Variants in MIB1 observed in about 807,000 individuals in gnomAD.
The protein encoded by MIB1 is MIB E3 ubiquitin protein ligase 1.
In MIB1, 278 loss-of-function variants were observed where a neutral mutation model predicts 124.5. The ratio of observed to expected loss-of-function variants is 2.23; its 90% CI spans 2.02 to 2.47. The LOEUF (loss-of-function observed/expected upper bound fraction) is 2.47. Ranked by LOEUF, MIB1 falls within the 30% of genes most tolerant of loss-of-function variation. The pLI, the probability that MIB1 is intolerant of heterozygous loss-of-function variation, is 0.00. For missense variants in MIB1, 957 were observed against 1,254.4 expected (o/e 0.76, Z 3.58); for synonymous variants, 446 against 429.4 (o/e 1.04, Z -0.48).
Position 21,803,936 on chromosome 18 carries a change from T to TA in MIB1, c.1402dup (p.Met468AsnfsTer5), listed in dbSNP as rs2041677291. ...ATGGGCAATGTGCTGGCCACACAGC[T>TA]ATGCAAGCTGCTAGTCAGAATGGAC... On this transcript the variant is annotated frameshift_variant, in exon 10 of 21. Transcript: ENST00000261537. LOFTEE classifies it high-confidence loss of function. The TA allele has an allele frequency of 1.2e-6, 2 of 1,613,628 alleles. No homozygotes were observed. The highest frequency in any genetic ancestry group is 8.5e-7 in the Non-Finnish European group (1 of 1,179,782).
At chr18:21,727,475 G>C (rs2040747641) in intron 1 of MIB1, among the ~76,000 whole-genome samples, 1 of 152,180 alleles carries the variant, frequency 6.6e-6, no homozygotes, top group Admixed American at 6.5e-5. Flanking sequence ...GGGTGTGGTG[G>C]CTTGCACCTG....
At chr18:21,834,011 C>T (rs2042005526) in intron 12 of MIB1, among the ~76,000 whole-genome samples, 1 of 152,196 alleles carries the variant, frequency 6.6e-6, no homozygotes, top group Non-Finnish European at 1.5e-5. Flanking sequence ...TTACTGAATT[C>T]TCGAGCTGGT....
chr18:21,864,777 T>TTA lies in MIB1; in HGVS notation c.*112_*113dup. The TTA allele has an allele frequency of 1.3e-6, 1 of 757,864 alleles. No homozygotes were observed. The allele number at this position is 757,864 out of a possible 1,614,324, so 46.9% of individuals were successfully genotyped here. The stretch of plus-strand genomic sequence containing the variant: ...GTTAATTTCTAATATCATAGTTTCT[T>TTA]TACTAGAGTATAATTGGGCTGTAAA... On this transcript the variant is annotated 3_prime_UTR_variant, in exon 21 of 21. Transcript: ENST00000261537.
intron 4 of MIB1, among the ~76,000 whole-genome samples, chr18:21,774,358 G>C (rs1416456444): frequency 6.6e-6 from 1 of 152,208 alleles, no homozygotes; most frequent in African/African-American, 2.4e-5. Flanking sequence ...GGAGGCCCAG[G>C]TGGGTGGATC....
At chr18:21,749,480 A>G (rs1259821190) in intron 1 of MIB1, among the ~76,000 whole-genome samples, 2 of 152,156 alleles carry the variant, frequency 1.3e-5, no homozygotes, top group Non-Finnish European at 2.9e-5. Context: ...ACTAATTTTT[A>G]GCTTTTAAAT....
chr18:21,819,781 AT>A, intron 12 of MIB1, 135 bp downstream of exon 12: 1 of 471,364 alleles, frequency 2.1e-6, no homozygotes, highest in Non-Finnish European at 3.5e-6. Context: ...TGTGAATATT[AT>A]GCCTTTAGTT....
chr18:21,735,120 C>A (rs1331539670), intron 1 of MIB1, among the ~76,000 whole-genome samples: 6 of 152,174 alleles, frequency 3.9e-5, no homozygotes, highest in Non-Finnish European at 8.8e-5. Context: ...GGAACAGCTC[C>A]CGTCTGCAGC....
intron 2 of MIB1, among the ~76,000 whole-genome samples, chr18:21,766,172 T>C (rs770406533): frequency 2.6e-5 from 4 of 152,192 alleles, no homozygotes; most frequent in Non-Finnish European, 4.4e-5. Flanking sequence ...CTATTCTTTC[T>C]CTGGCTTAGA....
intron 12 of MIB1, chr18:21,828,030 A>T (rs940729105): frequency 6.6e-6 from 1 of 151,988 alleles, no homozygotes; most frequent in Non-Finnish European, 1.5e-5. Flanking sequence ...TAAGAGCATT[A>T]TTTGGAATTT....
intron 1 of MIB1, among the ~76,000 whole-genome samples, chr18:21,757,960 G>A (rs930342024): frequency 5.9e-5 from 9 of 152,132 alleles, no homozygotes; most frequent in African/African-American, 2.2e-4. Context: ...AAAAACCGTG[G>A]TAGAGTGAAT....
chr18:21,751,617 C>T (rs971728116), intron 1 of MIB1, among the ~76,000 whole-genome samples: 28 of 152,280 alleles, frequency 1.8e-4, no homozygotes, highest in Non-Finnish European at 7.4e-5. Context: ...TTTCTTATTA[C>T]TGCTGCTTAT....
At chr18:21,724,728 ATATATATATATATATATATAT>A (rs2040732552) in intron 1 of MIB1, among the ~76,000 whole-genome samples, 1 of 18,842 alleles carries the variant, frequency 5.3e-5, no homozygotes, top group African/African-American at 2.1e-4. Context: ...AAAAAAAAAA[ATATATATATATATATATATAT>A]ATATATATAT....
chr18:21,802,414 G>C (rs1352227890), intron 9 of MIB1, among the ~76,000 whole-genome samples: 1 of 151,198 alleles, frequency 6.6e-6, no homozygotes, highest in Non-Finnish European at 1.5e-5. Flanking sequence ...TTTTCTGAGA[G>C]GTTCCTTAAC....
intron 12 of MIB1, among the ~76,000 whole-genome samples, chr18:21,822,444 A>G (rs2146482099): frequency 6.6e-6 from 1 of 152,284 alleles, no homozygotes; most frequent in South Asian, 2.1e-4. Context: ...CCAACCAGAT[A>G]TTTGGTGTCA....
At chr18:21,808,774 C>T (rs890728942) in intron 10 of MIB1, among the ~76,000 whole-genome samples, 13 of 151,872 alleles carry the variant, frequency 8.6e-5, no homozygotes, top group African/African-American at 9.7e-5. Flanking sequence ...TTGGATCTGC[C>T]GTGGACTCTA....
Position 21,866,228 on chromosome 18 carries a change from C to G in MIB1, c.*1562C>G, listed in dbSNP as rs1377881214. ...GTTTCTGGCTGTTTAATCCTTGCTG[C>G]CTTTGCAAGTCCTGGTGAAAGCAAT... On this transcript the variant is annotated 3_prime_UTR_variant, in exon 21 of 21. Transcript: ENST00000261537. The G allele has an allele frequency of 6.6e-6, 1 of 152,116 alleles. No homozygotes were observed. The highest frequency in any genetic ancestry group is 1.5e-5 in the Non-Finnish European group (1 of 68,024). 9.4% of individuals were successfully genotyped at this position (152,116 alleles called of 1,614,324 possible). A position where few individuals can be genotyped will look rare whatever the true frequency, so the allele number is the denominator to read the frequency against.
chr18:21,756,978 G>A (rs2041039514), intron 1 of MIB1, among the ~76,000 whole-genome samples: 1 of 152,048 alleles, frequency 6.6e-6, no homozygotes, highest in Non-Finnish European at 1.5e-5. Context: ...TAACAGAAAA[G>A]GTATGAAGGA....
At chr18:21,832,625 G>A (rs569362607) in intron 12 of MIB1, among the ~76,000 whole-genome samples, 3 of 152,178 alleles carry the variant, frequency 2.0e-5, no homozygotes, top group South Asian at 4.2e-4. Context: ...AAACTATTAC[G>A]AGTTTTCTGA....
At chr18:21,707,162 A>G (rs919739742) in intron 1 of MIB1, among the ~76,000 whole-genome samples, 2 of 152,038 alleles carry the variant, frequency 1.3e-5, no homozygotes, top group Non-Finnish European at 2.9e-5. Context: ...ACCAGTCAGC[A>G]CTCTGTGTCT....
Sources: allele counts gnomAD v4.1 joint callset (sites outside exome capture counted in the v4.1 genomes callset), GRCh38; gene constraint gnomAD v4.1.1; transcripts MANE v1.5; gene names NCBI Gene and HGNC (gene_info 2026-07-23, HGNC 2026-07-21).